Variants in SYCP2 observed in about 807,000 individuals in gnomAD.
SYCP2 encodes synaptonemal complex lateral element protein.
In SYCP2, 55 loss-of-function variants were observed where a neutral mutation model predicts 211.3. The observed-to-expected ratio is 0.26, with a 90% CI of 0.21 to 0.33. The LOEUF (loss-of-function observed/expected upper bound fraction) is 0.33, where lower values mean the gene tolerates loss of function less well. Among genes scored for constraint, SYCP2 ranks in the 10% least tolerant of loss-of-function variants. The pLI is 1.00. For missense variants in SYCP2, 1,731 were observed against 1,752.0 expected, an observed-to-expected ratio of 0.99 and a Z score of 0.21; for synonymous variants, 570 against 555.2, an observed-to-expected ratio of 1.03 and a Z score of -0.37.
At chr20:59,894,204 GCCTTT>G (rs2059963264) in intron 20 of SYCP2, among the ~76,000 whole-genome samples, 2 of 151,904 alleles carry the variant, frequency 1.3e-5, no homozygotes. Context: ...CATCCTGGCT[GCCTTT>G]CCTTCTTACT....
intron 22 of SYCP2, 109 bp downstream of exon 22, chr20:59,893,033 G>A: frequency 2.5e-6 from 2 of 787,842 alleles, no homozygotes; most frequent in South Asian, 3.9e-5. Context: ...CTTGAGAGAT[G>A]ATTAATACTA....
Position 59,881,018 on chromosome 20 carries a change from C to A in SYCP2, c.2720G>T (p.Gly907Val). ...TTTAAGTTCATCATGATTCCTTGGA[C>A]CTACCCTTAAACAAAAATATGTATT... ...ACADRSIRLV[G>V]PRNHDELKSS... is the part of the protein sequence containing the mutation. Residue 907 changes from glycine to valine, a missense_variant, in exon 30 of 45, where the codon GGT (glycine) becomes GTT (valine). Transcript: ENST00000357552. The A allele has an allele frequency of 6.7e-7, 1 of 1,497,252 alleles. No individual in the cohort carries two copies. Among genetic ancestry groups the A allele is most frequent in the Non-Finnish European group, 9.1e-7 (1 of 1,096,406 alleles). 92.7% of individuals were successfully genotyped at this position (1,497,252 alleles called of 1,614,324 possible).
At chr20:59,881,838 T>G in intron 28 of SYCP2, 107 bp downstream of exon 28, 1 of 752,584 alleles carries the variant, frequency 1.3e-6, no homozygotes, top group Non-Finnish European at 2.1e-6. Flanking sequence ...TCTTAAAAAT[T>G]TTAAAGCATA....
intron 26 of SYCP2, among the ~76,000 whole-genome samples, chr20:59,883,330 C>A (rs2059720534): frequency 6.6e-6 from 1 of 151,976 alleles, no homozygotes; most frequent in Non-Finnish European, 1.5e-5. Flanking sequence ...GCCTGGGGGA[C>A]AGAGCAAGAC....
At chr20:59,910,221 C>T (rs562729612) in intron 14 of SYCP2, among the ~76,000 whole-genome samples, 9 of 151,994 alleles carry the variant, frequency 5.9e-5, no homozygotes, top group South Asian at 2.1e-4. Context: ...ACTACAGCTA[C>T]GGAAATTCAG....
chr20:59,885,164 G>A (rs187569497), intron 26 of SYCP2: 6 of 152,056 alleles, frequency 3.9e-5, no homozygotes, highest in Admixed American at 3.9e-4. Flanking sequence ...TAAGAAACAA[G>A]ACAATCTTTT....
intron 40 of SYCP2, 41 bp downstream of exon 40, chr20:59,866,454 G>A (rs1184625283): frequency 6.4e-7 from 1 of 1,561,902 alleles, no homozygotes. Flanking sequence ...ATAGGAATAT[G>A]TAGCATTCAA....
intron 22 of SYCP2, among the ~76,000 whole-genome samples, 180 bp from the exon 23 acceptor site, chr20:59,892,881 CAT>C (rs1568941448): frequency 6.6e-6 from 1 of 151,850 alleles, no homozygotes; most frequent in African/African-American, 2.4e-5. Context: ...TTAATTTCTA[CAT>C]ATTGTTATAT....
Position 59,881,476 on chromosome 20 carries a change from G to T in SYCP2, c.2675C>A (p.Ala892Asp). ...IIKLGIQEFQ[A>D]TAKEACADRS... ...ATCCGCACAAGCTTCTTTAGCTGTA[G>T]CTTGAAACTCTTGGATCTATATTGT... Residue 892 changes from alanine (A) to aspartate (D), a missense_variant, in exon 29 of 45, where the codon GCT (alanine) becomes GAT (aspartate). Ala to Asp is a moderately radical substitution (Grantham distance 126, BLOSUM62 -2). Coordinates refer to ENST00000357552, the MANE Select transcript of SYCP2 (RefSeq NM_014258.4). 3 of 1,532,114 alleles carry T rather than the reference G, an allele frequency of 2.0e-6. No individual in the cohort carries two copies. The highest frequency in any genetic ancestry group is 2.7e-6 in the Non-Finnish European group (3 of 1,131,548). 94.9% of individuals were successfully genotyped at this position (1,532,114 alleles called of 1,614,324 possible).
intron 32 of SYCP2, among the ~76,000 whole-genome samples, chr20:59,877,758 C>T (rs965328373): frequency 6.6e-6 from 1 of 152,060 alleles, no homozygotes; most frequent in African/African-American, 2.4e-5. Context: ...ACCATTAAGT[C>T]CCTGAGAAGC....
intron 7 of SYCP2, among the ~76,000 whole-genome samples, chr20:59,917,301 T>C (rs1035651935): frequency 2.0e-5 from 3 of 152,194 alleles, no homozygotes; most frequent in Admixed American, 6.5e-5. Flanking sequence ...GAGCCCCTTT[T>C]ACGTTAACGC....
chr20:59,888,769 G>A (rs1218333178), intron 24 of SYCP2, among the ~76,000 whole-genome samples: 1 of 151,938 alleles, frequency 6.6e-6, no homozygotes, highest in Non-Finnish European at 1.5e-5. Flanking sequence ...CAAAACTACT[G>A]GAAGTAATAA....
intron 44 of SYCP2, among the ~76,000 whole-genome samples, chr20:59,865,086 G>C (rs1185357199): frequency 6.6e-6 from 1 of 152,000 alleles, no homozygotes; most frequent in Non-Finnish European, 1.5e-5. Flanking sequence ...AGAAGACACA[G>C]CAGGACAGAC....
At chr20:59,912,937 G>C (rs1475061910) in intron 12 of SYCP2, among the ~76,000 whole-genome samples, 2 of 152,166 alleles carry the variant, frequency 1.3e-5, no homozygotes, top group African/African-American at 4.8e-5. Flanking sequence ...CTTCTGCCAT[G>C]ATAGTGAGGC....
intron 35 of SYCP2, among the ~76,000 whole-genome samples, chr20:59,872,027 C>T (rs1427051714): frequency 6.6e-6 from 1 of 151,782 alleles, no homozygotes; most frequent in Non-Finnish European, 1.5e-5. Context: ...TGAAAATATG[C>T]CTTGGGGATT....
At chr20:59,884,267 A>G (rs1349849452) in intron 26 of SYCP2, among the ~76,000 whole-genome samples, 1 of 152,050 alleles carries the variant, frequency 6.6e-6, no homozygotes, top group East Asian at 1.9e-4. Context: ...GTAAAATCTC[A>G]TGTAAAAGAG....
Position 59,868,905 on chromosome 20 carries a change from T to G in SYCP2, c.3762A>C (p.Ser1254=). The change falls in exon 37 of 45, where the codon TCA becomes TCC. Residue 1254 remains serine, a synonymous_variant. Transcript: ENST00000357552. ...CTCTTCCTTCACTAGACTTGGATAA[T>G]GAAGATGCTAAATGACTTTCCTAAA... The part of the protein sequence containing the change: ...SKREESHLAS[S]LSKSSEGREK... 6.2e-7 allele frequency: 1 copy of G among 1,608,174 alleles called. No homozygotes were observed. The highest frequency in any genetic ancestry group is 1.1e-5 in the South Asian group (1 of 90,442).
intron 15 of SYCP2, among the ~76,000 whole-genome samples, chr20:59,902,064 A>G (rs911596254): frequency 4.6e-5 from 7 of 152,154 alleles, no homozygotes; most frequent in Admixed American, 1.3e-4. Flanking sequence ...AATCCTAAAT[A>G]CATTCTGGAC....
In SYCP2 at chr20:59,884,583, T is replaced by G. The variant is rs149145932; in HGVS notation, c.2529+1345A>C. On this transcript the variant is annotated intron_variant, in intron 26 of 44. Coordinates refer to ENST00000357552, the MANE Select transcript of SYCP2 (RefSeq NM_014258.4). ...TTTCCGTTATTTTATATAGACGTAT[T>G]TGCATTATTTTAAAAAGGTTATCTC... 1.2e-3 allele frequency among the ~76,000 whole-genome samples: 177 copies of G among 152,172 alleles called. 1 individual carries two copies. Among genetic ancestry groups the G allele is most frequent in the African/African-American group, 4.1e-3 (169 of 41,558 alleles).
Sources: gnomAD v4.1 joint callset for allele counts (sites outside exome capture counted in the v4.1 genomes callset) on GRCh38, gnomAD v4.1.1 for gene constraint, MANE v1.5 for transcripts, NCBI Gene and HGNC (gene_info 2026-07-23, HGNC 2026-07-21) for gene names.